Variants in PRELID2 observed in about 807,000 individuals in gnomAD.
PRELID2 encodes the protein PRELI domain-containing protein 2.
Under a neutral mutation model 28.4 loss-of-function variants are expected in PRELID2, and 25 were observed. The observed-to-expected ratio is 0.88, with a 90% CI of 0.64 to 1.23. PRELID2 has a LOEUF of 1.23. Among genes scored for constraint, PRELID2 ranks in the 50% most tolerant of loss-of-function variants. The probability of loss-of-function intolerance (pLI) is 0.00; values close to 1 mark genes in which losing one functional copy is unlikely to be tolerated. For missense variants in PRELID2, 201 were observed against 214.4 expected (o/e 0.94, Z 0.39); for synonymous variants, 76 against 71.6 (o/e 1.06, Z -0.31).
the PRELID2 span, among the ~76,000 whole-genome samples, chr5:145,319,423 C>T: frequency 2.0e-5 from 3 of 152,046 alleles, no homozygotes; most frequent in African/African-American, 7.2e-5. Flanking sequence ...AATCCCAACA[C>T]TTTGGGAGGC....
intron 1 of PRELID2, among the ~76,000 whole-genome samples, chr5:145,598,750 T>C (rs1753346896): frequency 6.6e-6 from 1 of 151,988 alleles, no homozygotes; most frequent in Non-Finnish European, 1.5e-5. Context: ...CACATTCCAG[T>C]GAGAGAAACA....
intron 1 of PRELID2, among the ~76,000 whole-genome samples, chr5:145,586,045 T>G (rs1163380470): frequency 6.6e-6 from 1 of 152,008 alleles, no homozygotes; most frequent in Non-Finnish European, 1.5e-5. Flanking sequence ...AACCCTTTCT[T>G]AGAACTGTGA....
chr5:145,448,392 G>T, the PRELID2 span, among the ~76,000 whole-genome samples: 2 of 151,962 alleles, frequency 1.3e-5, no homozygotes, highest in Non-Finnish European at 2.9e-5. Context: ...AGATGAGTAG[G>T]TTGCGAAAAT....
the PRELID2 span, among the ~76,000 whole-genome samples, chr5:145,420,330 C>A: frequency 6.6e-6 from 1 of 151,994 alleles, no homozygotes; most frequent in Non-Finnish European, 1.5e-5. Flanking sequence ...GGCAGTATGG[C>A]CATTTTCACA....
the PRELID2 span, among the ~76,000 whole-genome samples, chr5:145,463,530 A>G: frequency 2.6e-5 from 4 of 152,310 alleles, no homozygotes. Flanking sequence ...AAGTAGTCAC[A>G]TTAACTATAC....
chr5:145,618,123 C>G (rs1301441047), intron 1 of PRELID2, among the ~76,000 whole-genome samples: 2 of 152,148 alleles, frequency 1.3e-5, no homozygotes, highest in Admixed American at 6.5e-5. Flanking sequence ...TTAGGCTTCA[C>G]CTTTCTCTGG....
At chr5:145,341,954 T>C in the PRELID2 span, among the ~76,000 whole-genome samples, 2 of 152,190 alleles carry the variant, frequency 1.3e-5, no homozygotes, top group Non-Finnish European at 2.9e-5. Context: ...TACAGCACAT[T>C]GTAGTCAGAC....
the PRELID2 span, among the ~76,000 whole-genome samples, chr5:145,257,141 G>A: frequency 6.6e-6 from 1 of 151,716 alleles, no homozygotes. Context: ...CTATTTAAAA[G>A]GCTATTGACT....
the PRELID2 span, among the ~76,000 whole-genome samples, chr5:145,377,183 T>C: frequency 1.3e-5 from 2 of 152,218 alleles, no homozygotes; most frequent in African/African-American, 4.8e-5. Context: ...TCAATTTCCA[T>C]GTAATTGCAT....
intron 1 of PRELID2, among the ~76,000 whole-genome samples, chr5:145,683,373 T>A (rs1199816521): frequency 6.6e-6 from 1 of 152,196 alleles, no homozygotes; most frequent in African/African-American, 2.4e-5. Flanking sequence ...ATAACCAGTA[T>A]ACTGGTGTGC....
chr5:145,738,817 C>A (rs141104957), intron 1 of PRELID2, among the ~76,000 whole-genome samples: 1 of 152,080 alleles, frequency 6.6e-6, no homozygotes, highest in Non-Finnish European at 1.5e-5. Flanking sequence ...AAACACATAC[C>A]TTTACAGATT....
the PRELID2 span, among the ~76,000 whole-genome samples, chr5:145,313,422 C>T: frequency 6.6e-6 from 1 of 152,160 alleles, no homozygotes; most frequent in Non-Finnish European, 1.5e-5. Flanking sequence ...TGGTCTGCTT[C>T]CATAATTGGT....
At chr5:145,713,117 A>G (rs1755740349) in intron 1 of PRELID2, among the ~76,000 whole-genome samples, 1 of 151,784 alleles carries the variant, frequency 6.6e-6, no homozygotes, top group African/African-American at 2.4e-5. Context: ...GAATGAAGCA[A>G]AAGAAATTAA....
At chr5:145,278,057 A>G in the PRELID2 span, among the ~76,000 whole-genome samples, 5 of 152,156 alleles carry the variant, frequency 3.3e-5, no homozygotes, top group Admixed American at 6.6e-5. Context: ...ATATATTTAC[A>G]GAAATCTATT....
At chr5:145,580,764 G>A (rs753447757) in intron 1 of PRELID2, among the ~76,000 whole-genome samples, 26 of 152,120 alleles carry the variant, frequency 1.7e-4, no homozygotes, top group Non-Finnish European at 3.4e-4. Flanking sequence ...TGCAATTGCA[G>A]AGGAAAGGTA....
In PRELID2 at chr5:145,796,455, T is replaced by G; in HGVS notation, c.461A>C (p.Gln154Pro). 6.2e-7 allele frequency: 1 copy of G among 1,608,614 alleles called. No homozygotes were observed. The highest frequency in any genetic ancestry group is 8.5e-7 in the Non-Finnish European group (1 of 1,176,308). Residue 154 changes from glutamine (Q) to proline (P), a missense_variant, in exon 5 of 7, where the codon CAG becomes CCG. Physicochemically the swap from Gln to Pro is moderately conservative, Grantham distance 76 (BLOSUM62 -1). Transcript: ENST00000683046. The stretch of plus-strand genomic sequence containing the variant: ...AAATATGGTTACCTTCTGGGCTCCC[T>G]GTCGTAAGAATGTGCTGGCAAAAGT... ...LETFASTFLR[Q>P]GAQKGIRIME...
chr5:145,581,006 A>G (rs991375082), intron 1 of PRELID2, among the ~76,000 whole-genome samples: 3 of 151,814 alleles, frequency 2.0e-5, no homozygotes, highest in African/African-American at 7.3e-5. Flanking sequence ...TACCTCACCT[A>G]CTTTGTATCT....
the PRELID2 span, among the ~76,000 whole-genome samples, chr5:145,321,161 G>A: frequency 1.3e-5 from 2 of 152,164 alleles, no homozygotes; most frequent in Non-Finnish European, 2.9e-5. Flanking sequence ...CACAGTAGCT[G>A]TGTTAGTAAT....
At chr5:145,285,701 G>A in the PRELID2 span, among the ~76,000 whole-genome samples, 2 of 152,098 alleles carry the variant, frequency 1.3e-5, no homozygotes, top group Non-Finnish European at 2.9e-5. Context: ...TTAGACTTTA[G>A]CAGGAGGCAG....
Sources: allele counts gnomAD v4.1 joint callset (sites outside exome capture counted in the v4.1 genomes callset), GRCh38; gene constraint gnomAD v4.1.1; transcripts MANE v1.5; gene names NCBI Gene and HGNC (gene_info 2026-07-23, HGNC 2026-07-21).